GRXCR1: variants seen among roughly 807,000 people sequenced by gnomAD.
The protein encoded by GRXCR1 is glutaredoxin and cysteine rich domain containing 1, also known as glutaredoxin domain-containing cysteine-rich protein 1.
GRXCR1 carries 27 observed loss-of-function variants against 27.3 expected under a neutral mutation model. That is an observed-to-expected ratio of 0.99 (90% CI 0.73 to 1.37). The LOEUF is 1.37. Among genes scored for constraint, GRXCR1 ranks in the 40% most tolerant of loss-of-function variants. The probability of loss-of-function intolerance (pLI) is 0.00; values close to 1 mark genes in which losing one functional copy is unlikely to be tolerated. For missense variants in GRXCR1, 379 were observed against 354.4 expected, an observed-to-expected ratio of 1.07 and a Z score of -0.56; for synonymous variants, 122 against 131.1, an observed-to-expected ratio of 0.93 and a Z score of 0.47.
At chr4:42,929,459 G>C (rs1747250413) in intron 1 of GRXCR1, among the ~76,000 whole-genome samples, 1 of 151,986 alleles carries the variant, frequency 6.6e-6, no homozygotes, top group Admixed American at 6.6e-5. Flanking sequence ...AGGCAGGAGA[G>C]ACAGAGATGA....
At chr4:42,896,978 G>T (rs1033410160) in intron 1 of GRXCR1, among the ~76,000 whole-genome samples, 2 of 152,020 alleles carry the variant, frequency 1.3e-5, no homozygotes, top group African/African-American at 4.8e-5. Context: ...TGATGTAGTT[G>T]GTCTCTTTTT....
At chr4:42,930,134 G>A (rs953850164) in intron 1 of GRXCR1, among the ~76,000 whole-genome samples, 2 of 151,940 alleles carry the variant, frequency 1.3e-5, no homozygotes, top group South Asian at 2.1e-4. Context: ...ACATTTCTTC[G>A]TTCTCTTAAA....
At chr4:42,959,654 A>G (rs898541311) in intron 1 of GRXCR1, among the ~76,000 whole-genome samples, 8 of 151,946 alleles carry the variant, frequency 5.3e-5, no homozygotes. Context: ...CACCTTAAGT[A>G]TGTACAACTT....
intron 1 of GRXCR1, among the ~76,000 whole-genome samples, chr4:42,903,776 T>C (rs1746522853): frequency 6.6e-6 from 1 of 151,096 alleles, no homozygotes; most frequent in African/African-American, 2.4e-5. Context: ...GAATATTTTT[T>C]ATATTTCCAT....
chr4:43,025,632 C>A (rs1204144494), intron 3 of GRXCR1, among the ~76,000 whole-genome samples: 1 of 152,208 alleles, frequency 6.6e-6, no homozygotes, highest in Non-Finnish European at 1.5e-5. Flanking sequence ...TGCCTGGATT[C>A]TTAATTGCTT....
chr4:42,937,044 C>T (rs546219686), intron 1 of GRXCR1, among the ~76,000 whole-genome samples: 1 of 151,982 alleles, frequency 6.6e-6, no homozygotes, highest in South Asian at 2.1e-4. Context: ...CACTCTACTT[C>T]CTTGAGAATG....
At chr4:42,989,160 CA>C (rs1169754490) in intron 2 of GRXCR1, among the ~76,000 whole-genome samples, 1 of 152,178 alleles carries the variant, frequency 6.6e-6, no homozygotes, top group Non-Finnish European at 1.5e-5. Context: ...ACGGGTATAA[CA>C]AAATGCCATA....
At chr4:42,935,920 A>C (rs1747446395) in intron 1 of GRXCR1, among the ~76,000 whole-genome samples, 1 of 151,984 alleles carries the variant, frequency 6.6e-6, no homozygotes, top group South Asian at 2.1e-4. Flanking sequence ...ACACTAAATA[A>C]CACTGCTTTT....
chr4:43,025,200 T>C (rs955454590), intron 3 of GRXCR1, among the ~76,000 whole-genome samples: 2 of 152,206 alleles, frequency 1.3e-5, no homozygotes, highest in African/African-American at 4.8e-5. Flanking sequence ...TTGTCGTTTG[T>C]CGTTTTTGTC....
chr4:42,955,879 C>A (rs1747991763), intron 1 of GRXCR1, among the ~76,000 whole-genome samples: 1 of 152,038 alleles, frequency 6.6e-6, no homozygotes, highest in East Asian at 1.9e-4. Flanking sequence ...AAATAACCCA[C>A]TGGATTTGCA....
At chr4:43,011,292 G>A (rs773895608) in intron 2 of GRXCR1, among the ~76,000 whole-genome samples, 5 of 152,170 alleles carry the variant, frequency 3.3e-5, no homozygotes, top group Admixed American at 6.5e-5. Flanking sequence ...GAACTTTATA[G>A]ACTGAATCAC....
chr4:42,987,253 AT>A (rs373646288), intron 2 of GRXCR1, among the ~76,000 whole-genome samples: 2 of 68,594 alleles, frequency 2.9e-5, no homozygotes, highest in East Asian at 3.8e-4. Flanking sequence ...TATATAATAT[AT>A]ATATATAATA....
chr4:43,011,644 T>G (rs1021211183), intron 2 of GRXCR1, among the ~76,000 whole-genome samples: 1 of 152,174 alleles, frequency 6.6e-6, no homozygotes, highest in Non-Finnish European at 1.5e-5. Flanking sequence ...TGCACTCTGT[T>G]TTCTGCTAGG....
intron 1 of GRXCR1, among the ~76,000 whole-genome samples, chr4:42,898,944 G>A (rs765808968): frequency 2.0e-5 from 3 of 152,054 alleles, no homozygotes; most frequent in Non-Finnish European, 4.4e-5. Context: ...AGTGACTTAT[G>A]TAAAAAGCAG....
chr4:42,895,321 G>A (rs1330641559), intron 1 of GRXCR1, among the ~76,000 whole-genome samples: 3 of 152,062 alleles, frequency 2.0e-5, no homozygotes, highest in Non-Finnish European at 4.4e-5. Context: ...CGTATTCCCT[G>A]TTTTAGAGCA....
At chr4:42,982,205 C>T (rs1370702584) in intron 2 of GRXCR1, among the ~76,000 whole-genome samples, 1 of 148,104 alleles carries the variant, frequency 6.8e-6, no homozygotes, top group Non-Finnish European at 1.5e-5. Context: ...TCCCTCCCCC[C>T]TCCCCCTACC....
At chr4:43,013,854 A>G (rs868750882) in intron 2 of GRXCR1, among the ~76,000 whole-genome samples, 2 of 152,284 alleles carry the variant, frequency 1.3e-5, no homozygotes, top group South Asian at 4.1e-4. Context: ...GCTTTCTGCC[A>G]TAGAGAAGCA....
intron 1 of GRXCR1, among the ~76,000 whole-genome samples, chr4:42,905,105 TC>T: frequency 6.6e-6 from 1 of 152,334 alleles, no homozygotes; most frequent in East Asian, 1.9e-4. Flanking sequence ...AAACCTGTTG[TC>T]TTGCGGCCAA....
intron 2 of GRXCR1, among the ~76,000 whole-genome samples, chr4:43,004,940 T>C (rs776903672): frequency 6.6e-6 from 1 of 151,978 alleles, no homozygotes; most frequent in Non-Finnish European, 1.5e-5. Context: ...GGACATGAGA[T>C]TTGGGAGGGT....
Sources: allele counts gnomAD v4.1 joint callset (sites outside exome capture counted in the v4.1 genomes callset), GRCh38; gene constraint gnomAD v4.1.1; transcripts MANE v1.5; gene names NCBI Gene and HGNC (gene_info 2026-07-23, HGNC 2026-07-21).